The following PRR33 variants were observed in gnomAD, a reference collection of about 807,000 sequenced individuals.
The protein encoded by PRR33 is proline-rich protein 33.
A neutral mutation model predicts 0.5 loss-of-function variants in PRR33; 1 was observed. That is an observed-to-expected ratio of 2.18 (90% CI 0.77 to 10.34). The LOEUF (loss-of-function observed/expected upper bound fraction) is 10.34. Among genes scored for constraint, PRR33 ranks in the 30% most tolerant of loss-of-function variants. PRR33 has a pLI of 0.13. For synonymous variants in PRR33, 226 were observed against 110.0 expected (o/e 2.06, Z -6.60); for missense variants, 552 against 251.8 (o/e 2.19, Z -8.07).
chr11:1,895,759 T>C (rs1214107198), upstream of PRR33, among the ~76,000 whole-genome samples: 1 of 152,248 alleles, frequency 6.6e-6, no homozygotes, highest in East Asian at 1.9e-4. Flanking sequence ...TTTTTGCATA[T>C]GGAGATCCAG....
chr11:1,900,597 CA>C, the PRR33 span, among the ~76,000 whole-genome samples: 1 of 152,208 alleles, frequency 6.6e-6, no homozygotes, highest in Middle Eastern at 3.4e-3. Flanking sequence ...CAGAAAAAAG[CA>C]ATTAACTCTG....
the PRR33 span, among the ~76,000 whole-genome samples, chr11:1,915,486 G>A: frequency 1.5e-5 from 2 of 137,384 alleles, no homozygotes; most frequent in Non-Finnish European, 3.1e-5. Flanking sequence ...CACCTCAGAT[G>A]ATGTTTCTTT....
At chr11:1,914,290 T>TG in the PRR33 span, among the ~76,000 whole-genome samples, 1 of 148,744 alleles carries the variant, frequency 6.7e-6, no homozygotes, top group Non-Finnish European at 1.5e-5. Context: ...TGTGTGTGTG[T>TG]TGTGTGTGGG....
the PRR33 span, among the ~76,000 whole-genome samples, chr11:1,902,197 A>T: frequency 6.7e-6 from 1 of 150,318 alleles, no homozygotes; most frequent in South Asian, 2.1e-4. Flanking sequence ...GCGCCACTGC[A>T]CTCCAGCCTG....
the PRR33 span, among the ~76,000 whole-genome samples, chr11:1,902,125 G>A: frequency 1.3e-5 from 2 of 151,960 alleles, no homozygotes; most frequent in East Asian, 1.9e-4. Flanking sequence ...CCAGCTACTC[G>A]GGAGGCTGAG....
exon 1 of PRR33, chr11:1,891,082 G>A (rs915940916): frequency 5.7e-5 from 9 of 158,548 alleles, no homozygotes; most frequent in East Asian, 1.9e-4. Context: ...AGGCGCGTCC[G>A]CTGCGAGCCA....
chr11:1,898,179 T>A, the PRR33 span, among the ~76,000 whole-genome samples: 3 of 152,042 alleles, frequency 2.0e-5, no homozygotes, highest in Non-Finnish European at 4.4e-5. Context: ...ATTTAAAGAC[T>A]GTTGTGTAAC....
At chr11:1,899,694 C>A in the PRR33 span, among the ~76,000 whole-genome samples, 1 of 152,172 alleles carries the variant, frequency 6.6e-6, no homozygotes, top group South Asian at 2.1e-4. Flanking sequence ...GTATCTGTAA[C>A]AAGTTATTAA....
At chr11:1,910,949 T>C in the PRR33 span, among the ~76,000 whole-genome samples, 1 of 152,362 alleles carries the variant, frequency 6.6e-6, no homozygotes, top group South Asian at 2.1e-4. Context: ...TACCTTCTTT[T>C]TAGATAGTGA....
the PRR33 span, among the ~76,000 whole-genome samples, chr11:1,903,936 G>A: frequency 6.6e-6 from 1 of 152,170 alleles, no homozygotes; most frequent in Non-Finnish European, 1.5e-5. Flanking sequence ...GACACACAAG[G>A]CCTCTAACTG....
chr11:1,891,060 C>T (rs922763321), exon 1 of PRR33: 27 of 159,058 alleles, frequency 1.7e-4, no homozygotes, highest in Admixed American at 7.2e-4. Flanking sequence ...CTGTTGTCGC[C>T]GGCTCAACCA....
the PRR33 span, among the ~76,000 whole-genome samples, chr11:1,898,435 C>T: frequency 6.6e-6 from 1 of 152,022 alleles, no homozygotes; most frequent in Non-Finnish European, 1.5e-5. Flanking sequence ...TAGGGTTTTG[C>T]CGTGTTGGCC....
chr11:1,894,698 C>T (rs187984679), upstream of PRR33, among the ~76,000 whole-genome samples: 39 of 152,286 alleles, frequency 2.6e-4, no homozygotes, highest in African/African-American at 9.4e-4. Flanking sequence ...CACCCCAACC[C>T]GCTCATCTGT....
upstream of PRR33, among the ~76,000 whole-genome samples, chr11:1,895,234 G>C (rs1189806738): frequency 6.6e-6 from 1 of 152,052 alleles, no homozygotes; most frequent in Non-Finnish European, 1.5e-5. Context: ...CTGGGTTCAA[G>C]CGATTCTCCT....
chr11:1,890,324 C>T lies in PRR33; in HGVS notation c.261G>A (p.Pro87=), dbSNP rs372775929. ...GAAGGCGTGGGGCTTCGGCGGGGTG[C>T]GGGCCCTCAGCAGCGTGCGGGGCTG... is the stretch of plus-strand genomic sequence containing the variant. The change falls in exon 1 of 1, where the codon CCG becomes CCA. Residue 87 remains proline (P), a synonymous_variant. Transcript: ENST00000640310. The T allele has an allele frequency of 7.8e-4, 552 of 711,814 alleles. 3 individuals are homozygous for T. The East Asian group carries it at 0.013, about 17-fold the overall frequency. The allele number at this position is 711,814 out of a possible 1,614,324, so 44.1% of individuals were successfully genotyped here. A position where few individuals can be genotyped will look rare whatever the true frequency, so the allele number is the denominator to read the frequency against.
the PRR33 span, among the ~76,000 whole-genome samples, chr11:1,916,207 C>A: frequency 1.3e-3 from 197 of 152,228 alleles, 1 homozygote; most frequent in Non-Finnish European, 1.1e-3. Context: ...GGCCCTGACA[C>A]TCAGCCCTGC....
At chr11:1,908,458 T>G in the PRR33 span, among the ~76,000 whole-genome samples, 1 of 152,168 alleles carries the variant, frequency 6.6e-6, no homozygotes, top group Non-Finnish European at 1.5e-5. Flanking sequence ...AAAAGTTTTT[T>G]TCTTACATTT....
At chr11:1,913,914 T>G in the PRR33 span, among the ~76,000 whole-genome samples, 1 of 152,208 alleles carries the variant, frequency 6.6e-6, no homozygotes, top group African/African-American at 2.4e-5. Flanking sequence ...CAGTCCCAAT[T>G]GCAGGATGCG....
the PRR33 span, among the ~76,000 whole-genome samples, chr11:1,897,076 G>C: frequency 6.6e-6 from 1 of 152,200 alleles, no homozygotes; most frequent in Non-Finnish European, 1.5e-5. This position sits in a 1 kb window ranked among gnomAD's most constrained non-coding sequence, Gnocchi z 4.0. Flanking sequence ...CGCCAGAGGG[G>C]CTGCAGCTCC....
Sources: gnomAD v4.1 joint callset for allele counts (sites outside exome capture counted in the v4.1 genomes callset) on GRCh38, gnomAD v4.1.1 for gene constraint, Gnocchi (gnomAD v3.1) non-coding constraint, MANE v1.5 for transcripts, NCBI Gene and HGNC (gene_info 2026-07-23, HGNC 2026-07-21) for gene names.